The following NKAIN3 variants were observed in gnomAD, a reference collection of about 807,000 sequenced individuals.
NKAIN3 encodes the protein sodium/potassium transporting ATPase interacting 3.
NKAIN3 carries 25 observed loss-of-function variants against 30.2 expected under a neutral mutation model. The ratio of observed to expected loss-of-function variants is 0.83; its 90% CI spans 0.60 to 1.16. The LOEUF (loss-of-function observed/expected upper bound fraction) is 1.16. NKAIN3 is among the 50% of genes most tolerant of loss of function. The pLI is 0.00. For synonymous variants in NKAIN3, 91 were observed against 89.6 expected (o/e 1.02, Z -0.09); for missense variants, 225 against 254.1 (o/e 0.89, Z 0.78).
intron 5 of NKAIN3, among the ~76,000 whole-genome samples, chr8:62,994,268 C>T (rs1436555261): frequency 6.6e-6 from 1 of 152,100 alleles, no homozygotes; most frequent in East Asian, 1.9e-4. Flanking sequence ...TGCAATGGGT[C>T]GTTATGCAGC....
intron 3 of NKAIN3, among the ~76,000 whole-genome samples, chr8:62,680,275 A>T (rs1563513520): frequency 6.6e-6 from 1 of 152,156 alleles, no homozygotes; most frequent in Non-Finnish European, 1.5e-5. Context: ...CAGGAGAAAA[A>T]CACAGCCCTG....
intron 4 of NKAIN3, among the ~76,000 whole-genome samples, chr8:62,809,974 C>T (rs1818437401): frequency 6.6e-6 from 1 of 152,118 alleles, no homozygotes; most frequent in Non-Finnish European, 1.5e-5. Flanking sequence ...ATCAGAGGCA[C>T]TGGTCACTCT....
intron 1 of NKAIN3, among the ~76,000 whole-genome samples, chr8:62,272,647 A>G (rs900491): frequency 0.59 from 90,239 of 151,926 alleles, 27,051 homozygotes; most frequent in East Asian, 0.68. Flanking sequence ...CTTACAACTC[A>G]TTTACCCATG....
At chr8:62,394,050 C>A (rs1007173719) in intron 1 of NKAIN3, among the ~76,000 whole-genome samples, 1 of 152,140 alleles carries the variant, frequency 6.6e-6, no homozygotes, top group African/African-American at 2.4e-5. Flanking sequence ...ATTGTTACTT[C>A]CATTCTAACA....
intron 3 of NKAIN3, among the ~76,000 whole-genome samples, chr8:62,636,149 T>A (rs1479444347): frequency 6.6e-6 from 1 of 152,192 alleles, no homozygotes; most frequent in East Asian, 1.9e-4. Context: ...CAAAAATAGA[T>A]TGAAGTTGAG....
At chr8:62,405,630 G>C (rs1194393501) in intron 1 of NKAIN3, among the ~76,000 whole-genome samples, 11 of 152,168 alleles carry the variant, frequency 7.2e-5, no homozygotes. Context: ...GCTGCTGCTG[G>C]GTGGTAGTGG....
intron 4 of NKAIN3, among the ~76,000 whole-genome samples, chr8:62,903,534 C>T (rs1821674185): frequency 6.6e-6 from 1 of 152,038 alleles, no homozygotes; most frequent in Non-Finnish European, 1.5e-5. Context: ...CTAAAAGGCC[C>T]TCTCGGGAGC....
chr8:62,807,009 A>G (rs1257480709), intron 4 of NKAIN3, among the ~76,000 whole-genome samples: 1 of 152,046 alleles, frequency 6.6e-6, no homozygotes, highest in Non-Finnish European at 1.5e-5. Flanking sequence ...AATCATAACT[A>G]GAATATTTCC....
rs1161198024 is a variant in NKAIN3 at position 62,967,280 on chromosome 8, G to A, written c.*1873G>A. On this transcript the variant is annotated 3_prime_UTR_variant, in exon 7 of 7. Coordinates refer to ENST00000623646, the MANE Select transcript of NKAIN3 (RefSeq NM_001304533.3). ...AACATGGGAGCAAAAGTTGGGGTTTGGGTCCCATCCACCACCATGTTCTTG... is the reference window on the plus strand; with the variant it reads ...AACATGGGAGCAAAAGTTGGGGTTTAGGTCCCATCCACCACCATGTTCTTG... Among the ~76,000 whole-genome samples the A allele has an allele frequency of 5.9e-5, 9 of 152,096 alleles. No individual in the cohort carries two copies. Among genetic ancestry groups the A allele is most frequent in the African/African-American group, 1.7e-4 (7 of 41,416 alleles).
At chr8:62,299,815 T>G (rs1329696484) in intron 1 of NKAIN3, among the ~76,000 whole-genome samples, 1 of 152,148 alleles carries the variant, frequency 6.6e-6, no homozygotes, top group African/African-American at 2.4e-5. Flanking sequence ...CGGAAAGGCT[T>G]TATTTTTATT....
chr8:62,608,922 G>T (rs1306323109), intron 3 of NKAIN3, among the ~76,000 whole-genome samples: 2 of 152,048 alleles, frequency 1.3e-5, no homozygotes, highest in African/African-American at 2.4e-5. Flanking sequence ...ATAAAATCAT[G>T]GTTTTCTGTG....
At position 62,894,698 on chromosome 8, in the gene NKAIN3, C is replaced by T. The variant is rs567049135; in HGVS notation, c.472-23755C>T. ...ACTGAATTAAGCACATAAAAGAGCC[C>T]AAATAGAAGTCACTTAGAAGGTATA... On this transcript the variant is annotated intron_variant, in intron 4 of 6. Coordinates refer to ENST00000623646, the MANE Select transcript of NKAIN3 (RefSeq NM_001304533.3). 9.2e-5 allele frequency among the ~76,000 whole-genome samples: 14 copies of T among 152,146 alleles called. No individual in the cohort carries two copies. In the South Asian group the frequency reaches 2.7e-3, roughly 29 times the overall value.
intron 5 of NKAIN3, among the ~76,000 whole-genome samples, chr8:62,950,684 C>T (rs974966887): frequency 1.3e-5 from 2 of 152,032 alleles, no homozygotes; most frequent in Non-Finnish European, 2.9e-5. Flanking sequence ...AGAAAAAACA[C>T]ATAGAAGGTG....
intron 4 of NKAIN3, among the ~76,000 whole-genome samples, chr8:62,812,283 A>AT (rs1027381441): frequency 3.3e-5 from 5 of 151,662 alleles, no homozygotes; most frequent in African/African-American, 7.2e-5. Flanking sequence ...TTTCCACTTT[A>AT]TTTTTTTGGA....
intron 4 of NKAIN3, among the ~76,000 whole-genome samples, chr8:62,819,357 T>G (rs981167396): frequency 6.6e-6 from 1 of 151,912 alleles, no homozygotes; most frequent in Non-Finnish European, 1.5e-5. Context: ...ATCTTGAACT[T>G]GGTGTATGGG....
intron 3 of NKAIN3, among the ~76,000 whole-genome samples, chr8:62,708,360 G>C (rs911879609): frequency 3.3e-5 from 5 of 152,108 alleles, no homozygotes; most frequent in African/African-American, 1.2e-4. Context: ...CCATGAGCAT[G>C]GGATGTGTTT....
chr8:62,937,622 G>A (rs1216249361), intron 5 of NKAIN3, among the ~76,000 whole-genome samples: 1 of 152,054 alleles, frequency 6.6e-6, no homozygotes, highest in Non-Finnish European at 1.5e-5. Context: ...AAACTACGAG[G>A]AGAAAGAAAC....
At chr8:62,407,054 AT>A (rs1186302621) in intron 1 of NKAIN3, among the ~76,000 whole-genome samples, 1 of 152,126 alleles carries the variant, frequency 6.6e-6, no homozygotes, top group African/African-American at 2.4e-5. Context: ...ATTTGCAATA[AT>A]TTTTCTATTT....
rs373845122 is a variant in NKAIN3 at position 62,348,744 on chromosome 8, AGAAACTGTT to A, written c.54+99623_54+99631del. ...AGATGAGTGAAAACTATGTTGTATA[AGAAACTGTT>A]GAAACCATTGGAGATACTAGTTTGG... On this transcript the variant is annotated intron_variant, in intron 1 of 6. Coordinates refer to ENST00000623646, the MANE Select transcript of NKAIN3 (RefSeq NM_001304533.3). Among the ~76,000 whole-genome samples, 46 of 152,354 alleles carry A rather than the reference AGAAACTGTT, an allele frequency of 3.0e-4. No individual in the cohort carries two copies. In the East Asian group the frequency reaches 8.1e-3, roughly 27 times the overall value.
Sources: gnomAD v4.1 joint callset for allele counts (sites outside exome capture counted in the v4.1 genomes callset) on GRCh38, gnomAD v4.1.1 for gene constraint, MANE v1.5 for transcripts, NCBI Gene and HGNC (gene_info 2026-07-23, HGNC 2026-07-21) for gene names.